Variants in PEAK1 observed in about 807,000 individuals in gnomAD.
PEAK1 encodes the protein pseudopodium enriched atypical kinase 1, also known as inactive tyrosine-protein kinase PEAK1.
In PEAK1, 54 loss-of-function variants were observed where a neutral mutation model predicts 124.7. The observed-to-expected ratio is 0.43, with a 90% confidence interval of 0.35 to 0.54. The LOEUF (loss-of-function observed/expected upper bound fraction) is 0.54, where lower values mean the gene tolerates loss of function less well. Ranked by LOEUF, PEAK1 falls within the 20% of genes least tolerant of loss-of-function variation. The probability of loss-of-function intolerance (pLI) is 0.01; values close to 1 mark genes in which losing one functional copy is unlikely to be tolerated. For missense variants in PEAK1, 2,046 were observed against 2,134.5 expected (o/e 0.96, Z 0.82); for synonymous variants, 719 against 760.0 (o/e 0.95, Z 0.89).
chr15:77,271,981 A>C (rs2062060911), intron 5 of PEAK1, among the ~76,000 whole-genome samples: 1 of 152,198 alleles, frequency 6.6e-6, no homozygotes, highest in Admixed American at 6.5e-5. Context: ...AACCATGCAA[A>C]TATATGGAAA....
rs148232522 is a variant in PEAK1 at position 77,346,526 on chromosome 15, G to C, written c.-603+18637C>G. On this transcript the variant is annotated intron_variant, in intron 2 of 9. Transcript: ENST00000682557. ...AATTGCTTTTATGACTAGGATGTAC[G>C]GGCTCAGACACCCACCTGGCAAGCA... 3.0e-6 allele frequency: 3 copies of C among 985,272 alleles called. No individual in the cohort carries two copies. The South Asian group carries it at 1.4e-4, about 46-fold the overall frequency. 61.0% of individuals were successfully genotyped at this position (985,272 alleles called of 1,614,324 possible).
At chr15:77,117,039 T>A (rs1404613016) in intron 9 of PEAK1, among the ~76,000 whole-genome samples, 1 of 152,334 alleles carries the variant, frequency 6.6e-6, no homozygotes, top group Admixed American at 6.5e-5. Flanking sequence ...ACCAGGTATT[T>A]AAAAATTCTA....
chr15:77,280,519 C>T (rs916391693), intron 5 of PEAK1, among the ~76,000 whole-genome samples: 2 of 151,086 alleles, frequency 1.3e-5, no homozygotes, highest in African/African-American at 4.9e-5. Context: ...GCTTCACACC[C>T]TTAGTTTCAC....
At chr15:77,220,817 C>T (rs763041228) in intron 6 of PEAK1, among the ~76,000 whole-genome samples, 39 of 151,864 alleles carry the variant, frequency 2.6e-4, no homozygotes, top group South Asian at 8.3e-4. Context: ...GACAGTATAG[C>T]GATAGGAGAG....
chr15:77,408,018 CATAT>C (rs1261767197), intron 1 of PEAK1, among the ~76,000 whole-genome samples: 2 of 150,910 alleles, frequency 1.3e-5, no homozygotes, highest in Non-Finnish European at 1.5e-5. Flanking sequence ...CACATATACA[CATAT>C]ATACACACAT....
At chr15:77,195,034 A>G (rs2058034873) in intron 6 of PEAK1, among the ~76,000 whole-genome samples, 1 of 152,180 alleles carries the variant, frequency 6.6e-6, no homozygotes, top group Non-Finnish European at 1.5e-5. Context: ...GTATTTTGGA[A>G]AGATTTTTAA....
intron 5 of PEAK1, among the ~76,000 whole-genome samples, chr15:77,266,675 G>T (rs1172874250): frequency 6.6e-6 from 1 of 152,144 alleles, no homozygotes; most frequent in African/African-American, 2.4e-5. Flanking sequence ...ACAGACATAA[G>T]AATTATTTTA....
chr15:77,351,470 T>C (rs116561367), intron 2 of PEAK1, among the ~76,000 whole-genome samples: 297 of 152,344 alleles, frequency 1.9e-3, no homozygotes, highest in African/African-American at 7.0e-3. Context: ...ATCCTCTCCA[T>C]AGGGTATATG....
chr15:77,282,728 G>A lies in PEAK1; in HGVS notation c.-275+1155C>T, dbSNP rs2152969401. 1.3e-5 allele frequency among the ~76,000 whole-genome samples: 2 copies of A among 152,194 alleles called. 1 individual carries two copies. Among genetic ancestry groups the A allele is most frequent in the South Asian group, 4.2e-4 (2 of 4,818 alleles). On this transcript the variant is annotated intron_variant, in intron 5 of 9. Transcript: ENST00000682557. ...ACAATGGGCCAATGAGAAACTAACA[G>A]TAGTCCTTAAAATGACTACAGTCTG...
intron 1 of PEAK1, among the ~76,000 whole-genome samples, chr15:77,382,338 C>T (rs1334993048): frequency 1.3e-5 from 2 of 152,216 alleles, no homozygotes; most frequent in Non-Finnish European, 2.9e-5. Context: ...CCTCATTCAC[C>T]AATCATTTCT....
intron 6 of PEAK1, among the ~76,000 whole-genome samples, chr15:77,184,199 T>C (rs1341273212): frequency 6.6e-6 from 1 of 151,812 alleles, no homozygotes; most frequent in East Asian, 1.9e-4. Flanking sequence ...TATAATATTG[T>C]AGTAAATAAA....
In PEAK1 at chr15:77,329,371, C is replaced by T. The variant is rs78317872; in HGVS notation, c.-603+35792G>A. Among the ~76,000 whole-genome samples, 1,112 of 152,218 alleles carry T rather than the reference C, an allele frequency of 7.3e-3. 15 individuals carry two copies. The highest frequency in any genetic ancestry group is 0.025 in the African/African-American group (1,056 of 41,552). ...CCAACAGAACACTCAAGTTAGGCTT[C>T]CAGATAATTAAGGGTTTTGTTTTGT... is the stretch of plus-strand genomic sequence containing the variant. On this transcript the variant is annotated intron_variant, in intron 2 of 9. Transcript: ENST00000682557.
At chr15:77,215,758 G>C (rs1006593325) in intron 6 of PEAK1, among the ~76,000 whole-genome samples, 9 of 152,008 alleles carry the variant, frequency 5.9e-5, no homozygotes, top group African/African-American at 1.9e-4. Context: ...TTTTGAGATG[G>C]AGTCTCGTTA....
chr15:77,288,213 T>TCAATGAC (rs2063025774), intron 2 of PEAK1, among the ~76,000 whole-genome samples: 1 of 152,210 alleles, frequency 6.6e-6, no homozygotes, highest in Non-Finnish European at 1.5e-5. Flanking sequence ...TATAAAGTCC[T>TCAATGAC]CAATGACCAG....
At chr15:77,229,749 T>C (rs2059826951) in intron 6 of PEAK1, among the ~76,000 whole-genome samples, 1 of 150,956 alleles carries the variant, frequency 6.6e-6, no homozygotes. Context: ...CCGGATTCAA[T>C]CTATTCTCCT....
rs546560145 is a variant in PEAK1 at position 77,396,501 on chromosome 15, C to T, written c.-666+23505G>A. On this transcript the variant is annotated intron_variant, in intron 1 of 9. Coordinates refer to ENST00000682557, the MANE Select transcript of PEAK1 (RefSeq NM_001385026.1). ...GCAGAAAGGATTTAAAAAAAACCAACAAAAAAGTCCCAACTATCTGTTGCC... is the reference window on the plus strand; with the variant it reads ...GCAGAAAGGATTTAAAAAAAACCAATAAAAAAGTCCCAACTATCTGTTGCC... Among the ~76,000 whole-genome samples the T allele has an allele frequency of 2.0e-5, 3 of 151,882 alleles. No individual in the cohort carries two copies. The South Asian group carries it at 6.2e-4, about 32-fold the overall frequency.
chr15:77,367,339 G>A (rs2068320645), intron 1 of PEAK1, among the ~76,000 whole-genome samples: 1 of 152,110 alleles, frequency 6.6e-6, no homozygotes, highest in Non-Finnish European at 1.5e-5. Flanking sequence ...AATCTCCACT[G>A]ACAGAAAGTA....
chr15:77,337,383 T>C, intron 2 of PEAK1: 16 of 947,694 alleles, frequency 1.7e-5, no homozygotes, highest in Non-Finnish European at 2.0e-5. Context: ...GAAATAATCA[T>C]TGAAGATTAT....
intron 7 of PEAK1, among the ~76,000 whole-genome samples, chr15:77,159,466 TG>T (rs1453446069): frequency 6.6e-6 from 1 of 152,224 alleles, no homozygotes; most frequent in African/African-American, 2.4e-5. Flanking sequence ...CCAATCTGCC[TG>T]AACTGTGCCA....
Sources: allele counts gnomAD v4.1 joint callset (sites outside exome capture counted in the v4.1 genomes callset), GRCh38; gene constraint gnomAD v4.1.1; transcripts MANE v1.5; gene names NCBI Gene and HGNC (gene_info 2026-07-23, HGNC 2026-07-21).